The following RBM19 variants were observed in gnomAD, a reference collection of about 807,000 sequenced individuals.
RBM19 encodes the protein probable RNA-binding protein 19.
A neutral mutation model predicts 116.8 loss-of-function variants in RBM19; 94 were observed. The observed-to-expected ratio is 0.80, with a 90% CI of 0.68 to 0.95. The LOEUF (loss-of-function observed/expected upper bound fraction) is 0.95. Ranked by LOEUF, RBM19 falls within the 40% of genes least tolerant of loss-of-function variation. RBM19 has a pLI of 0.00. For missense variants in RBM19, 1,161 were observed against 1,220.7 expected (o/e 0.95, Z 0.73); for synonymous variants, 475 against 494.1 (o/e 0.96, Z 0.51).
At chr12:113,865,504 G>A (rs1378569975) in intron 21 of RBM19, among the ~76,000 whole-genome samples, 1 of 152,156 alleles carries the variant, frequency 6.6e-6, no homozygotes, top group African/African-American at 2.4e-5. Flanking sequence ...CTTATACTCT[G>A]TTGTGTCTAC....
At chr12:113,957,735 CA>C in intron 6 of RBM19, 46 bp downstream of exon 6, 1 of 1,522,980 alleles carries the variant, frequency 6.6e-7, no homozygotes, top group Non-Finnish European at 8.8e-7. Flanking sequence ...CACGGGCAAG[CA>C]GGAGAGCGCA....
At chr12:113,885,097 T>C (rs1487899272) in intron 21 of RBM19, among the ~76,000 whole-genome samples, 1 of 152,182 alleles carries the variant, frequency 6.6e-6, no homozygotes. Flanking sequence ...AAGCTAAAAC[T>C]AGTAAAGTGA....
chr12:113,888,750 G>T (rs1407880595), intron 21 of RBM19, among the ~76,000 whole-genome samples: 2 of 152,160 alleles, frequency 1.3e-5, no homozygotes, highest in Non-Finnish European at 2.9e-5. Flanking sequence ...CACTGCCTCT[G>T]TAAGCTGTAA....
chr12:113,830,589 G>GGGGT (rs1565960614), intron 23 of RBM19, among the ~76,000 whole-genome samples: 2 of 73,082 alleles, frequency 2.7e-5, no homozygotes, highest in Non-Finnish European at 5.2e-5. Context: ...GGGGGGGGGG[G>GGGGT]TGGGCTATGC....
chr12:113,850,814 C>T (rs1412899573), intron 22 of RBM19, among the ~76,000 whole-genome samples: 4 of 152,236 alleles, frequency 2.6e-5, no homozygotes, highest in African/African-American at 9.6e-5. Flanking sequence ...AGGGCTGCAT[C>T]TCTCAGCAGA....
intron 21 of RBM19, 41 bp downstream of exon 21, chr12:113,914,928 G>C (rs1264123669): frequency 6.4e-7 from 1 of 1,556,338 alleles, no homozygotes; most frequent in South Asian, 1.1e-5. Context: ...CAGGCTCCCC[G>C]CCCACACGCC....
At chr12:113,953,419 C>T (rs1409762039) in intron 7 of RBM19, among the ~76,000 whole-genome samples, 6 of 152,224 alleles carry the variant, frequency 3.9e-5, no homozygotes, top group African/African-American at 1.4e-4. Flanking sequence ...ACCCGGGAGG[C>T]GGAGGTTGCA....
chr12:113,899,989 G>C (rs1169673928), intron 21 of RBM19, among the ~76,000 whole-genome samples: 1 of 152,152 alleles, frequency 6.6e-6, no homozygotes, highest in Non-Finnish European at 1.5e-5. Flanking sequence ...GCTTGGGGCA[G>C]GAGGGGAGGA....
intron 22 of RBM19, among the ~76,000 whole-genome samples, chr12:113,845,055 G>A (rs564573969): frequency 6.6e-6 from 1 of 152,310 alleles, no homozygotes; most frequent in South Asian, 2.1e-4. Flanking sequence ...TGAGGCAGCC[G>A]TCTATTTGCC....
At position 113,901,687 on chromosome 12, in the gene RBM19, C is replaced by A. The variant is rs185385874; in HGVS notation, c.2558+13282G>T. 4.6e-4 allele frequency among the ~76,000 whole-genome samples: 70 copies of A among 150,672 alleles called. 1 individual carries two copies. The highest frequency in any genetic ancestry group is 3.9e-3 in the Admixed American group (59 of 15,146). ...CCACGCCTGGCTAATTTTTTTTTTTCTATTTTTGGTAGAGACGGGGTTTCA... is the reference window on the plus strand; with the variant it reads ...CCACGCCTGGCTAATTTTTTTTTTTATATTTTTGGTAGAGACGGGGTTTCA... On this transcript the variant is annotated intron_variant, in intron 21 of 23. Transcript: ENST00000261741.
intron 21 of RBM19, among the ~76,000 whole-genome samples, chr12:113,904,184 A>G (rs953903099): frequency 6.6e-6 from 1 of 152,160 alleles, no homozygotes; most frequent in Non-Finnish European, 1.5e-5. Context: ...TAGAGCACTG[A>G]GCTCCCAATA....
At position 113,913,963 on chromosome 12, in the gene RBM19, G is replaced by T. The variant is rs142655620; in HGVS notation, c.2558+1006C>A. On this transcript the variant is annotated intron_variant, in intron 21 of 23. Transcript: ENST00000261741. The stretch of plus-strand genomic sequence containing the variant: ...TATTACCCTGCCCATGCCTTGGGTG[G>T]GGGGGCCTTGGCTTCAAGCATTCCC... 1.7e-4 allele frequency among the ~76,000 whole-genome samples: 26 copies of T among 152,170 alleles called. No homozygotes were observed. The East Asian group carries it at 3.9e-3, about 23-fold the overall frequency.
chr12:113,824,031 G>C (rs2135676633), intron 23 of RBM19, among the ~76,000 whole-genome samples: 1 of 152,322 alleles, frequency 6.6e-6, no homozygotes, highest in East Asian at 1.9e-4. Context: ...GAAGAATGCA[G>C]AGGAGTTTTC....
intron 21 of RBM19, among the ~76,000 whole-genome samples, chr12:113,914,639 C>T (rs1008308279): frequency 6.6e-6 from 1 of 152,176 alleles, no homozygotes; most frequent in African/African-American, 2.4e-5. Context: ...AAATTTCAAG[C>T]AGATCATGGG....
chr12:113,818,332 T>C (rs7970186), downstream of RBM19: 64,081 of 152,124 alleles, frequency 0.42, 13,729 homozygotes, highest in African/African-American at 0.48. Context: ...TTGGCCCATT[T>C]GGGCTTGAAC....
chr12:113,889,344 T>G (rs1417760299), intron 21 of RBM19, among the ~76,000 whole-genome samples: 1 of 152,178 alleles, frequency 6.6e-6, no homozygotes, highest in Non-Finnish European at 1.5e-5. Flanking sequence ...CCTTCAGCTC[T>G]CAGGAACCCA....
intron 21 of RBM19, among the ~76,000 whole-genome samples, chr12:113,889,193 C>T (rs746209494): frequency 2.0e-5 from 3 of 152,232 alleles, no homozygotes; most frequent in Non-Finnish European, 4.4e-5. Flanking sequence ...CCCCTGGCTT[C>T]CATCCACTAG....
At chr12:113,938,121 G>A (rs1870233679) in intron 15 of RBM19, among the ~76,000 whole-genome samples, 1 of 152,100 alleles carries the variant, frequency 6.6e-6, no homozygotes, top group South Asian at 2.1e-4. Flanking sequence ...CCCAAAACAG[G>A]AGGCCTCACC....
At chr12:113,868,825 T>G (rs1434278043) in intron 21 of RBM19, among the ~76,000 whole-genome samples, 2 of 152,196 alleles carry the variant, frequency 1.3e-5, no homozygotes, top group African/African-American at 4.8e-5. Context: ...AGGGAGCTTC[T>G]GCAGAGGAAG....
Sources: allele counts gnomAD v4.1 joint callset (sites outside exome capture counted in the v4.1 genomes callset), GRCh38; gene constraint gnomAD v4.1.1; transcripts MANE v1.5; gene names NCBI Gene and HGNC (gene_info 2026-07-23, HGNC 2026-07-21).